CLIC6: variants seen among roughly 807,000 people sequenced by gnomAD.
The protein encoded by CLIC6 is CLIC family member 6.
In CLIC6, 39 loss-of-function variants were observed where a neutral mutation model predicts 49.2. The ratio of observed to expected loss-of-function variants is 0.79; its 90% CI spans 0.61 to 1.04. The LOEUF is 1.04. Ranked by LOEUF, CLIC6 falls within the 50% of genes least tolerant of loss-of-function variation. CLIC6 has a pLI of 0.00. For synonymous variants in CLIC6, 446 were observed against 433.4 expected (o/e 1.03, Z -0.36); for missense variants, 988 against 993.1 (o/e 0.99, Z 0.07).
chr21:34,698,286 G>A lies in CLIC6; in HGVS notation c.1375-8994G>A, dbSNP rs934467870. 3.3e-5 allele frequency among the ~76,000 whole-genome samples: 5 copies of A among 152,192 alleles called. No individual in the cohort carries two copies. In the South Asian group the frequency reaches 1.0e-3, roughly 32 times the overall value. ...AGGAGGCATTAGCACTTGTTCTGTA[G>A]GGAGGCTGACACTGTCCTGCTCTGA... On this transcript the variant is annotated intron_variant, in intron 1 of 5. Transcript: ENST00000349499.
chr21:34,707,362 T>G lies in CLIC6; in HGVS notation c.1457T>G (p.Phe486Cys). Residue 486 changes from phenylalanine to cysteine, a missense_variant, in exon 2 of 6, where the codon TTT (phenylalanine) becomes TGT (cysteine). Coordinates refer to ENST00000349499, the MANE Select transcript of CLIC6 (RefSeq NM_053277.3). ...ATTCTCTGGCTGAAAGGCGTTATATTTAATGTGACCACAGTGGACCTGAAA... is the reference window on the plus strand; with the variant it reads ...ATTCTCTGGCTGAAAGGCGTTATATGTAATGTGACCACAGTGGACCTGAAA... ...FMILWLKGVI[F>C]NVTTVDLKRK... 1 of 1,613,294 alleles carries G rather than the reference T, an allele frequency of 6.2e-7. No homozygotes were observed. The highest frequency in any genetic ancestry group is 1.1e-5 in the South Asian group (1 of 91,064).
intron 1 of CLIC6, among the ~76,000 whole-genome samples, chr21:34,691,253 G>A (rs733014): frequency 0.35 from 53,577 of 151,926 alleles, 9,922 homozygotes; most frequent in African/African-American, 0.45. Flanking sequence ...TGCAAAACTG[G>A]AATCTAACAG....
At chr21:34,707,078 C>T (rs1397626220) in intron 1 of CLIC6, among the ~76,000 whole-genome samples, 2 of 152,086 alleles carry the variant, frequency 1.3e-5, no homozygotes, top group Admixed American at 6.5e-5. Context: ...TGTGCATGTG[C>T]GTGCGTGTGT....
At chr21:34,689,596 C>CT (rs766227959) in intron 1 of CLIC6, among the ~76,000 whole-genome samples, 6,568 of 143,312 alleles carry the variant, frequency 0.046, 467 homozygotes, top group African/African-American at 0.15. Context: ...GGATCTGAAG[C>CT]TTTTTTTTTT....
Position 34,669,625 on chromosome 21 carries a change from G to T in CLIC6, c.237G>T (p.Ala79=), listed in dbSNP as rs1488481121. Residue 79 remains alanine, a synonymous_variant, in exon 1 of 6, where the codon GCG becomes GCT. Coordinates refer to ENST00000349499, the MANE Select transcript of CLIC6 (RefSeq NM_053277.3). ...PEAEARGTRG[A]HGETEAEEGA... Reference sequence around the variant, plus strand: ...CCGAGGCGCGGGGCACGAGGGGGGCGCACGGCGAGACTGAGGCCGAGGAGG... The same window carrying T: ...CCGAGGCGCGGGGCACGAGGGGGGCTCACGGCGAGACTGAGGCCGAGGAGG... 42 of 1,280,830 alleles carry T rather than the reference G, an allele frequency of 3.3e-5. No individual in the cohort carries two copies. Among genetic ancestry groups the T allele is most frequent in the South Asian group, 3.2e-4 (12 of 37,350 alleles). The allele number at this position is 1,280,830 out of a possible 1,614,324, so 79.3% of individuals were successfully genotyped here. A position where few individuals can be genotyped will look rare whatever the true frequency, so the allele number is the denominator to read the frequency against.
chr21:34,673,691 A>C (rs1208860031), intron 1 of CLIC6, among the ~76,000 whole-genome samples: 3 of 152,248 alleles, frequency 2.0e-5, no homozygotes, highest in Admixed American at 6.5e-5. Context: ...CTTTGAAAAC[A>C]AAATGAAACA....
intron 1 of CLIC6, among the ~76,000 whole-genome samples, chr21:34,705,683 G>A (rs2056009603): frequency 6.6e-6 from 1 of 152,194 alleles, no homozygotes; most frequent in Admixed American, 6.5e-5. Flanking sequence ...CCCTTCATAT[G>A]CAGTAAGGTC....
At chr21:34,714,703 A>T (rs939835937) in intron 5 of CLIC6, among the ~76,000 whole-genome samples, 1 of 151,550 alleles carries the variant, frequency 6.6e-6, no homozygotes, top group Non-Finnish European at 1.5e-5. Flanking sequence ...AAAAAAAAAA[A>T]AAAAAAACTT....
At chr21:34,713,936 G>A (rs551904401) in intron 5 of CLIC6, among the ~76,000 whole-genome samples, 2 of 152,156 alleles carry the variant, frequency 1.3e-5, no homozygotes, top group South Asian at 2.1e-4. Flanking sequence ...AGTGAAACAG[G>A]GAAGAAATTC....
chr21:34,696,110 C>G (rs1990082781), intron 1 of CLIC6, among the ~76,000 whole-genome samples: 2 of 152,186 alleles, frequency 1.3e-5, no homozygotes, highest in Admixed American at 6.5e-5. Flanking sequence ...AACATCAAAC[C>G]CATTGTCATC....
At chr21:34,679,089 A>G (rs1989726886) in intron 1 of CLIC6, among the ~76,000 whole-genome samples, 1 of 152,236 alleles carries the variant, frequency 6.6e-6, no homozygotes, top group South Asian at 2.1e-4. Context: ...GAGTTGCTTA[A>G]TCTGTTCTCA....
intron 1 of CLIC6, among the ~76,000 whole-genome samples, chr21:34,688,349 A>G (rs1440455808): frequency 6.6e-6 from 1 of 151,782 alleles, no homozygotes; most frequent in Admixed American, 6.6e-5. Flanking sequence ...CTCGCTGTCT[A>G]TTTTTTCTCC....
intron 1 of CLIC6, among the ~76,000 whole-genome samples, chr21:34,705,249 G>A (rs1354562440): frequency 2.0e-5 from 3 of 152,134 alleles, no homozygotes; most frequent in Non-Finnish European, 2.9e-5. Context: ...CAGTAGTTAA[G>A]AAAGTTCCAC....
intron 1 of CLIC6, among the ~76,000 whole-genome samples, chr21:34,673,969 G>A (rs1989616754): frequency 6.6e-6 from 1 of 152,186 alleles, no homozygotes; most frequent in Non-Finnish European, 1.5e-5. Context: ...GTATGGCATA[G>A]CTGGAGTGTG....
At chr21:34,674,342 C>A (rs1279711385) in intron 1 of CLIC6, among the ~76,000 whole-genome samples, 1 of 152,200 alleles carries the variant, frequency 6.6e-6, no homozygotes, top group Non-Finnish European at 1.5e-5. Flanking sequence ...CCCTCCCACT[C>A]TGGCGTTTCA....
rs1313774259 is a variant in CLIC6, at chr21:34,669,743, G to T, written c.355G>T (p.Gly119Cys). The T allele has an allele frequency of 7.2e-7, 1 of 1,393,282 alleles. No homozygotes were observed. The highest frequency in any genetic ancestry group is 1.6e-5 in the South Asian group (1 of 62,284). The allele number at this position is 1,393,282 out of a possible 1,614,324, so 86.3% of individuals were successfully genotyped here. A position where few individuals can be genotyped will look rare whatever the true frequency, so the allele number is the denominator to read the frequency against. Residue 119 changes from glycine to cysteine, a missense_variant, in exon 1 of 6, where the codon GGC (glycine) becomes TGC (cysteine). Gly to Cys is a radical substitution (Grantham distance 159). Around this residue, in one of 3 missense-constraint regions of CLIC6, gnomAD observed 284 missense variants for 278.6 expected, o/e 1.02. Transcript: ENST00000349499. ...GGCGAGCCCGGGACGCGGCGCGCAG[G>T]GCGAGCCCCGCGGGGAGGCTCAGAG... is the stretch of plus-strand genomic sequence containing the variant. ...EGASPGRGAQ[G>C]EPRGEAQREP...
At chr21:34,687,712 G>A (rs1864950673) in intron 1 of CLIC6, among the ~76,000 whole-genome samples, 1 of 152,118 alleles carries the variant, frequency 6.6e-6, no homozygotes, top group Non-Finnish European at 1.5e-5. Flanking sequence ...TACAACAGCT[G>A]AAAAGAAAAA....
Position 34,670,496 on chromosome 21 carries a change from G to A in CLIC6, c.1108G>A (p.Asp370Asn). Residue 370 changes from aspartate (D) to asparagine (N), a missense_variant, in exon 1 of 6, where the codon GAC becomes AAC. Around this residue, in one of 3 missense-constraint regions of CLIC6, gnomAD observed 647 missense variants for 596.9 expected, o/e 1.08. Coordinates refer to ENST00000349499, the MANE Select transcript of CLIC6 (RefSeq NM_053277.3). ...GDGPQQEPGE[D>N]EERRERSPEG... The stretch of plus-strand genomic sequence containing the variant: ...TGGGCCACAGCAGGAGCCGGGGGAG[G>A]ACGAAGAGAGACGAGAGCGGAGCCC... 6.7e-7 allele frequency: 1 copy of A among 1,493,652 alleles called. No homozygotes were observed. Among genetic ancestry groups the A allele is most frequent in the Non-Finnish European group, 8.9e-7 (1 of 1,121,470 alleles). 92.5% of individuals were successfully genotyped at this position (1,493,652 alleles called of 1,614,324 possible). A position where few individuals can be genotyped will look rare whatever the true frequency, so the allele number is the denominator to read the frequency against.
rs916014498 is a variant in CLIC6 at position 34,708,022 on chromosome 21, T to G, written c.1563T>G (p.Asp521Glu). 1.9e-6 allele frequency: 3 copies of G among 1,614,062 alleles called. No homozygotes were observed. The highest frequency in any genetic ancestry group is 2.5e-6 in the Non-Finnish European group (3 of 1,179,974). ...CTTTTGATGGTGAAGTCAAGACGGA[T>G]GTGAATAAGATCGAGGAGTTCTTAG... ...FMTFDGEVKT[D>E]VNKIEEFLEE... The change falls in exon 3 of 6, where the codon GAT (aspartate) becomes GAG (glutamate). Residue 521 changes from aspartate (D) to glutamate (E), a missense_variant. Asp to Glu is a conservative substitution (Grantham distance 45). This residue lies in a region of CLIC6 where 647 missense variants were observed against 596.9 expected (regional missense o/e 1.08). Transcript: ENST00000349499.
Sources: allele counts gnomAD v4.1 joint callset (sites outside exome capture counted in the v4.1 genomes callset), GRCh38; gene constraint gnomAD v4.1.1; regional missense constraint gnomAD v4.1.1; transcripts MANE v1.5; gene names NCBI Gene and HGNC (gene_info 2026-07-23, HGNC 2026-07-21).